TCF25: variants seen among roughly 807,000 people sequenced by gnomAD.
TCF25 encodes the protein TCF25 ribosome quality control complex subunit, also known as ribosome quality control complex subunit TCF25.
In TCF25, 41 loss-of-function variants were observed where a neutral mutation model predicts 83.1. That is an observed-to-expected ratio of 0.49 (90% CI 0.38 to 0.64). The LOEUF is 0.64. Ranked by LOEUF, TCF25 falls within the 30% of genes least tolerant of loss-of-function variation. TCF25 has a pLI of 0.00. For synonymous variants in TCF25, 458 were observed against 365.0 expected, an observed-to-expected ratio of 1.25 and a Z score of -2.90; for missense variants, 979 against 914.5, an observed-to-expected ratio of 1.07 and a Z score of -0.91.
intron 5 of TCF25, chr16:89,889,983 C>T (rs755153896): frequency 2.0e-5 from 3 of 152,192 alleles, no homozygotes; most frequent in Admixed American, 2.0e-4. Flanking sequence ...GATTCTCCTG[C>T]CTCAGCTTCC....
intron 4 of TCF25, 87 bp from the exon 5 acceptor site, chr16:89,887,565 C>T: frequency 1.5e-6 from 2 of 1,312,852 alleles, no homozygotes; most frequent in Non-Finnish European, 1.0e-6. Context: ...GTGTTCTCTC[C>T]TTGACTATTA....
chr16:89,909,394 C>T (rs547793722), intron 16 of TCF25: 2 of 274,870 alleles, frequency 7.3e-6, no homozygotes, highest in African/African-American at 2.2e-5. Flanking sequence ...ACCTGTAGTC[C>T]CAGCTACTTG....
At chr16:89,909,952 C>G (rs746109652) in intron 16 of TCF25, 1 of 152,484 alleles carries the variant, frequency 6.6e-6, no homozygotes, top group Non-Finnish European at 1.5e-5. Context: ...GAATCCGGGT[C>G]ATTGAAAGGC....
At chr16:89,904,748 A>G (rs1315901515) in intron 13 of TCF25, 190 bp from the exon 14 acceptor site, 3 of 731,268 alleles carry the variant, frequency 4.1e-6, no homozygotes, top group Non-Finnish European at 7.3e-6. Context: ...AACCTGCCCA[A>G]CAGGCTCACG....
chr16:89,889,184 T>A (rs1567709854), intron 5 of TCF25: 1 of 396,894 alleles, frequency 2.5e-6, no homozygotes, highest in South Asian at 1.9e-5. Flanking sequence ...CCAGAAGGCT[T>A]TGTCTTTTTT....
intron 1 of TCF25, among the ~76,000 whole-genome samples, 160 bp downstream of exon 1, chr16:89,874,019 C>A (rs2041956585): frequency 6.6e-6 from 1 of 150,870 alleles, no homozygotes; most frequent in Non-Finnish European, 1.5e-5. Flanking sequence ...TGCGTCGGGG[C>A]CAGGGCGACG....
At chr16:89,876,618 C>T (rs1198172936) in intron 1 of TCF25, among the ~76,000 whole-genome samples, 1 of 151,756 alleles carries the variant, frequency 6.6e-6, no homozygotes, top group African/African-American at 2.4e-5. Flanking sequence ...TGGTGAAACC[C>T]CATCTCTACT....
intron 4 of TCF25, among the ~76,000 whole-genome samples, chr16:89,886,332 G>A (rs2043014308): frequency 6.6e-6 from 1 of 152,152 alleles, no homozygotes; most frequent in African/African-American, 2.4e-5. Flanking sequence ...GGAGGCTGAG[G>A]CAGGAGAATG....
At chr16:89,909,325 C>T (rs1392506223) in intron 16 of TCF25, 5 of 390,728 alleles carry the variant, frequency 1.3e-5, no homozygotes, top group South Asian at 2.2e-5. Context: ...GCCTGGCCAA[C>T]GTGCTGAAAA....
chr16:89,877,023 A>G (rs1012274424), intron 1 of TCF25, among the ~76,000 whole-genome samples: 1 of 151,446 alleles, frequency 6.6e-6, no homozygotes, highest in Non-Finnish European at 1.5e-5. Context: ...AATTGCTTGA[A>G]CCCAGGAGGT....
At chr16:89,898,396 G>A (rs1368451513) in intron 9 of TCF25, among the ~76,000 whole-genome samples, 161 bp from the exon 10 acceptor site, 20 of 148,718 alleles carry the variant, frequency 1.3e-4, no homozygotes, top group East Asian at 4.2e-4. Context: ...GGGGTGGAGC[G>A]GGTGTTGACT....
At chr16:89,896,925 A>T (rs1417916227) in intron 9 of TCF25, among the ~76,000 whole-genome samples, 1 of 151,918 alleles carries the variant, frequency 6.6e-6, no homozygotes, top group Non-Finnish European at 1.5e-5. Context: ...TGGGAGGTTG[A>T]GGCGAGAGTA....
At chr16:89,874,385 CG>C (rs1282477534) in intron 1 of TCF25, among the ~76,000 whole-genome samples, 1 of 151,720 alleles carries the variant, frequency 6.6e-6, no homozygotes, top group African/African-American at 2.4e-5. Flanking sequence ...GGTGGGGCCA[CG>C]GCGTAGGGGC....
At position 89,891,388 on chromosome 16, in the gene TCF25, C is replaced by T. The variant is rs534601857; in HGVS notation, c.615-805C>T. 3.3e-3 allele frequency among the ~76,000 whole-genome samples: 505 copies of T among 152,340 alleles called. 4 individuals carry two copies. Among genetic ancestry groups the T allele is most frequent in the African/African-American group, 0.011 (478 of 41,586 alleles). On this transcript the variant is annotated intron_variant, in intron 5 of 17. Transcript: ENST00000263346. ...GCCCACCACACTGGCCTCCACTCTG[C>T]GGTGGCTGAACTGTGGGGAGCCCGG...
At chr16:89,909,317 C>T (rs1369115916) in intron 16 of TCF25, 1 of 412,266 alleles carries the variant, frequency 2.4e-6, no homozygotes, top group Non-Finnish European at 4.2e-6. Flanking sequence ...TGAGACCAGC[C>T]TGGCCAACGT....
chr16:89,887,402 C>T (rs2043099913), intron 4 of TCF25, among the ~76,000 whole-genome samples: 1 of 152,218 alleles, frequency 6.6e-6, no homozygotes, highest in Non-Finnish European at 1.5e-5. Flanking sequence ...ACGTGTGCCA[C>T]ACACAGTGCC....
At chr16:89,886,209 T>C (rs573348788) in intron 4 of TCF25, 208 of 455,964 alleles carry the variant, frequency 4.6e-4, no homozygotes, top group Non-Finnish European at 8.0e-4. Context: ...AGGCGGATCA[T>C]GAGGTCAGGA....
intron 11 of TCF25, among the ~76,000 whole-genome samples, chr16:89,899,812 C>G (rs2044176330): frequency 6.6e-6 from 1 of 152,150 alleles, no homozygotes; most frequent in Non-Finnish European, 1.5e-5. Context: ...AGGACACGGG[C>G]TTTGTAACGC....
chr16:89,886,125 TA>T (rs1456889806), intron 4 of TCF25, 159 bp downstream of exon 4: 1 of 662,620 alleles, frequency 1.5e-6, no homozygotes, highest in Non-Finnish European at 2.7e-6. Context: ...TGTCTTTATT[TA>T]AAAATCATAT....
Sources: gnomAD v4.1 joint callset for allele counts (sites outside exome capture counted in the v4.1 genomes callset) on GRCh38, gnomAD v4.1.1 for gene constraint, MANE v1.5 for transcripts, NCBI Gene and HGNC (gene_info 2026-07-23, HGNC 2026-07-21) for gene names.